Variants in CDKL1 observed in about 807,000 individuals in gnomAD.
The protein encoded by CDKL1 is cyclin-dependent kinase-like 1.
A neutral mutation model predicts 42.0 loss-of-function variants in CDKL1; 41 were observed. That is an observed-to-expected ratio of 0.98 (90% CI 0.76 to 1.27). The LOEUF (loss-of-function observed/expected upper bound fraction) is 1.27, where lower values mean the gene tolerates loss of function less well. Ranked by LOEUF, CDKL1 falls within the 50% of genes most tolerant of loss-of-function variation. The probability of loss-of-function intolerance (pLI) is 0.00; values close to 1 mark genes in which losing one functional copy is unlikely to be tolerated. For synonymous variants in CDKL1, 153 were observed against 158.6 expected, an observed-to-expected ratio of 0.96 and a Z score of 0.26; for missense variants, 394 against 428.4, an observed-to-expected ratio of 0.92 and a Z score of 0.71.
chr14:50,370,923 G>A (rs2034573612), intron 2 of CDKL1, among the ~76,000 whole-genome samples: 2 of 152,288 alleles, frequency 1.3e-5, no homozygotes, highest in Admixed American at 6.5e-5. Flanking sequence ...AATTCAACAT[G>A]AGATTTGGGT....
intron 2 of CDKL1, among the ~76,000 whole-genome samples, chr14:50,369,613 C>T (rs910892804): frequency 7.2e-6 from 1 of 139,134 alleles, no homozygotes; most frequent in Non-Finnish European, 1.5e-5. Context: ...CACATGCACA[C>T]ACACACACAC....
At chr14:50,349,496 T>C (rs2033831108) in intron 3 of CDKL1, among the ~76,000 whole-genome samples, 1 of 152,106 alleles carries the variant, frequency 6.6e-6, no homozygotes, top group African/African-American at 2.4e-5. Flanking sequence ...TCTGGGAGGA[T>C]GGCAGAGGGA....
rs113261270 is a variant in CDKL1 at position 50,341,645 on chromosome 14, G to A, written c.455-413C>T. The stretch of plus-strand genomic sequence containing the variant: ...AAAATACAAAACTTAGCCAGGTGTG[G>A]TGGCTCATGCCTGTAGTCCCAGCAA... On this transcript the variant is annotated intron_variant, in intron 5 of 9. Coordinates refer to ENST00000395834, the MANE Select transcript of CDKL1 (RefSeq NM_004196.7). 7.7e-3 allele frequency among the ~76,000 whole-genome samples: 1,174 copies of A among 152,190 alleles called. 7 individuals are homozygous for A. Among genetic ancestry groups the A allele is most frequent in the Middle Eastern group, 0.024 (7 of 294 alleles).
rs185920035 is a variant in CDKL1 at position 50,342,172 on chromosome 14, G to A, written c.414C>T (p.Ser138=). 286 of 1,614,012 alleles carry A rather than the reference G, an allele frequency of 1.8e-4. No individual in the cohort carries two copies. Among genetic ancestry groups the A allele is most frequent in the African/African-American group, 1.1e-3 (80 of 75,014 alleles). The part of the protein sequence containing the change: ...KPENILITKH[S]VIKLCDFGFA... ...ATCCAAAGTCACAAAGCTTAATCACGGAATGTTTCGTGATGAGGATATTTT... is the reference window on the plus strand; with the variant it reads ...ATCCAAAGTCACAAAGCTTAATCACAGAATGTTTCGTGATGAGGATATTTT... The change falls in exon 5 of 10, where the codon TCC becomes TCT. Residue 138 remains serine, a synonymous_variant. Coordinates refer to ENST00000395834, the MANE Select transcript of CDKL1 (RefSeq NM_004196.7).
chr14:50,375,075 G>A (rs2034692033), intron 2 of CDKL1, among the ~76,000 whole-genome samples: 4 of 151,992 alleles, frequency 2.6e-5, no homozygotes, highest in Admixed American at 2.6e-4. Context: ...CACACATTCT[G>A]CACATGTATC....
intron 2 of CDKL1, among the ~76,000 whole-genome samples, chr14:50,364,244 C>T (rs976623593): frequency 5.3e-5 from 8 of 152,298 alleles, no homozygotes; most frequent in Admixed American, 3.9e-4. Flanking sequence ...CCAAGGCAGG[C>T]GGATGCCTGA....
rs1184018514 is a variant in CDKL1, at chr14:50,341,214, T to C, written c.473A>G (p.Tyr158Cys). 1 of 1,608,466 alleles carries C rather than the reference T, an allele frequency of 6.2e-7. No individual in the cohort carries two copies. Among genetic ancestry groups the C allele is most frequent in the Non-Finnish European group, 8.5e-7 (1 of 1,176,086 alleles). Reference sequence around the variant, plus strand: ...CCACCTGGTAGCCACGTAGTCTGTATAGTAGTCACTCGGTCCAGCTAGCCA... The same window carrying C: ...CCACCTGGTAGCCACGTAGTCTGTACAGTAGTCACTCGGTCCAGCTAGCCA... Reference protein sequence around the residue: ...ARLLTGPSDYYTDYVATRWYR... With the variant: ...ARLLTGPSDYCTDYVATRWYR... Residue 158 changes from tyrosine (Y) to cysteine (C), a missense_variant, in exon 6 of 10, where the codon TAT (tyrosine) becomes TGT (cysteine). Coordinates refer to ENST00000395834, the MANE Select transcript of CDKL1 (RefSeq NM_004196.7).
chr14:50,360,104 T>C (rs889471262), intron 2 of CDKL1, among the ~76,000 whole-genome samples: 2 of 152,196 alleles, frequency 1.3e-5, no homozygotes, highest in African/African-American at 4.8e-5. Context: ...TTTTTCCAAA[T>C]ATTCTTTGAT....
intron 2 of CDKL1, among the ~76,000 whole-genome samples, chr14:50,389,403 A>C (rs1170475258): frequency 1.3e-5 from 2 of 152,140 alleles, no homozygotes; most frequent in African/African-American, 4.8e-5. Flanking sequence ...TACCAATGAA[A>C]TTTTAATATC....
intron 3 of CDKL1, 65 bp from the exon 4 acceptor site, chr14:50,345,123 GA>G (rs1339775315): frequency 9.4e-6 from 13 of 1,380,390 alleles, no homozygotes; most frequent in Non-Finnish European, 1.3e-5. Flanking sequence ...CTCAAGAAAA[GA>G]AAAAATAAAC....
At chr14:50,342,736 G>T in intron 4 of CDKL1, 1 of 456,474 alleles carries the variant, frequency 2.2e-6, no homozygotes, top group South Asian at 3.7e-5. Flanking sequence ...TCACAATTCA[G>T]TTGTTTAACT....
At chr14:50,345,612 T>A (rs1159240562) in intron 3 of CDKL1, among the ~76,000 whole-genome samples, 5 of 152,176 alleles carry the variant, frequency 3.3e-5, no homozygotes, top group African/African-American at 1.2e-4. Context: ...TTGCAAACCA[T>A]TCTATTTGTT....
At chr14:50,365,957 G>A (rs1256782754) in intron 2 of CDKL1, among the ~76,000 whole-genome samples, 2 of 152,158 alleles carry the variant, frequency 1.3e-5, no homozygotes, top group African/African-American at 2.4e-5. Flanking sequence ...CGGGCTCTCC[G>A]GCCTTCAGCC....
At chr14:50,345,143 G>C (rs2033685614) in intron 3 of CDKL1, 85 bp from the exon 4 acceptor site, 2 of 1,222,718 alleles carry the variant, frequency 1.6e-6, no homozygotes, top group Admixed American at 4.5e-5. Flanking sequence ...ACGAAGATAG[G>C]CTTTAGTAGT....
chr14:50,328,854 T>C lies in CDKL1; in HGVS notation c.*1220A>G, dbSNP rs564505576. ...AAAAATACAAAAAAATTAGCCAGTA[T>C]AGTGGCACATGCCTGCAGTCCCAGC... is the stretch of plus-strand genomic sequence containing the variant. On this transcript the variant is annotated 3_prime_UTR_variant, in exon 10 of 10. Transcript: ENST00000395834. 1 of 151,540 alleles carries C rather than the reference T, an allele frequency of 6.6e-6. No homozygotes were observed. The highest frequency in any genetic ancestry group is 2.4e-5 in the African/African-American group (1 of 41,274). 9.4% of individuals were successfully genotyped at this position (151,540 alleles called of 1,614,324 possible).
intron 8 of CDKL1, 187 bp from the exon 9 acceptor site, chr14:50,332,619 A>G (rs1478472373): frequency 1.0e-5 from 15 of 1,505,782 alleles, no homozygotes; most frequent in Non-Finnish European, 1.3e-5. Context: ...TATTAAATAA[A>G]TAGTTTCTAG....
intron 2 of CDKL1, among the ~76,000 whole-genome samples, chr14:50,381,907 G>T (rs187406394): frequency 6.6e-6 from 1 of 152,102 alleles, no homozygotes; most frequent in South Asian, 2.1e-4. Flanking sequence ...CAAAGCGCTG[G>T]AATCACAGGA....
chr14:50,381,678 T>A (rs1007690990), intron 2 of CDKL1, among the ~76,000 whole-genome samples: 3 of 152,248 alleles, frequency 2.0e-5, no homozygotes, highest in African/African-American at 7.2e-5. Flanking sequence ...GCAGCAACCC[T>A]GTGATAAAGT....
chr14:50,339,494 A>T (rs2033430813), intron 6 of CDKL1, among the ~76,000 whole-genome samples: 1 of 130,048 alleles, frequency 7.7e-6, no homozygotes, highest in African/African-American at 2.8e-5. Context: ...CTCAATAAAT[A>T]TTTGAAGAAG....
Sources: allele counts gnomAD v4.1 joint callset (sites outside exome capture counted in the v4.1 genomes callset), GRCh38; gene constraint gnomAD v4.1.1; transcripts MANE v1.5; gene names NCBI Gene and HGNC (gene_info 2026-07-23, HGNC 2026-07-21).